Variants in GDF6 observed in about 807,000 individuals in gnomAD.
The protein encoded by GDF6 is growth differentiation factor 6, also known as growth/differentiation factor 6.
Under a neutral mutation model 32.4 loss-of-function variants are expected in GDF6, and 3 were observed. The ratio of observed to expected loss-of-function variants is 0.09; its 90% CI spans 0.04 to 0.24. The LOEUF is 0.24. GDF6 is among the 10% of genes least tolerant of loss of function. GDF6 has a pLI of 1.00. For missense variants in GDF6, 589 were observed against 637.9 expected, an observed-to-expected ratio of 0.92 and a Z score of 0.83; for synonymous variants, 296 against 295.3, an observed-to-expected ratio of 1.00 and a Z score of -0.03.
chr8:96,159,407 G>T (rs1424614412), intron 1 of GDF6, among the ~76,000 whole-genome samples: 1 of 152,116 alleles, frequency 6.6e-6, no homozygotes, highest in Non-Finnish European at 1.5e-5. Flanking sequence ...AGAAGGGGCC[G>T]CAAGGGTTTC....
chr8:96,144,496 A>C lies in GDF6; in HGVS notation c.*67T>G, dbSNP rs547753802. 1 of 1,577,350 alleles carries C rather than the reference A, an allele frequency of 6.3e-7. No individual in the cohort carries two copies. Among genetic ancestry groups the C allele is most frequent in the African/African-American group, 1.3e-5 (1 of 74,332 alleles). Reference sequence around the variant, plus strand: ...CTTCCTCCTCCGCCTCTCTGCAGCCAGGCCTCCCCTGCAAGGCGGACCTTG... The same window carrying C: ...CTTCCTCCTCCGCCTCTCTGCAGCCCGGCCTCCCCTGCAAGGCGGACCTTG... On this transcript the variant is annotated 3_prime_UTR_variant, in exon 2 of 2. Coordinates refer to ENST00000287020, the MANE Select transcript of GDF6 (RefSeq NM_001001557.4). This position sits in a 1 kb window ranked among gnomAD's most constrained non-coding sequence, Gnocchi z 5.1.
In GDF6 at chr8:96,145,308, G is replaced by A. The variant is rs903826881; in HGVS notation, c.623C>T (p.Pro208Leu). The change falls in exon 2 of 2, where the codon CCG becomes CTG. Residue 208 changes from proline to leucine, a missense_variant. By Grantham distance (98) the Pro-to-Leu change is moderately conservative. Around this residue, in one of 2 missense-constraint regions of GDF6, gnomAD observed 436 missense variants for 411.2 expected, o/e 1.06. Coordinates refer to ENST00000287020, the MANE Select transcript of GDF6 (RefSeq NM_001001557.4). The surrounding 1 kb of genome is among the most constrained non-coding windows in gnomAD (Gnocchi z 5.6). ...DARTLDPQGA[P>L]PAGWEVFDVW... The stretch of plus-strand genomic sequence containing the variant: ...GTCGAAGACTTCCCAGCCGGCCGGC[G>A]GCGCCCCCTGCGGGTCCAGGGTCCG... 6.5e-7 allele frequency: 1 copy of A among 1,531,516 alleles called. No individual in the cohort carries two copies. Among genetic ancestry groups the A allele is most frequent in the South Asian group, 1.2e-5 (1 of 83,704 alleles). 94.9% of individuals were successfully genotyped at this position (1,531,516 alleles called of 1,614,324 possible).
At chr8:96,156,897 T>C (rs1812674327) in intron 1 of GDF6, among the ~76,000 whole-genome samples, 1 of 152,172 alleles carries the variant, frequency 6.6e-6, no homozygotes, top group Non-Finnish European at 1.5e-5. Context: ...AGAAACCACC[T>C]CACCACTTAA....
At chr8:96,159,691 G>A (rs1812726621) in intron 1 of GDF6, among the ~76,000 whole-genome samples, 1 of 152,234 alleles carries the variant, frequency 6.6e-6, no homozygotes, top group South Asian at 2.1e-4. Context: ...CAAAAAAGCC[G>A]GAGGGCGCAG....
chr8:96,149,635 GA>G (rs1812535317), intron 1 of GDF6, among the ~76,000 whole-genome samples: 1 of 152,088 alleles, frequency 6.6e-6, no homozygotes, highest in Admixed American at 6.6e-5. Context: ...CAGTTAGGGT[GA>G]ATATAAGGTA....
At position 96,145,187 on chromosome 8, in the gene GDF6, G is replaced by A. The variant is rs1383785636; in HGVS notation, c.744C>T (p.Arg248=). 2.0e-6 allele frequency: 3 copies of A among 1,496,198 alleles called. No individual in the cohort carries two copies. Among genetic ancestry groups the A allele is most frequent in the Non-Finnish European group, 2.7e-6 (3 of 1,130,480 alleles). 92.7% of individuals were successfully genotyped at this position (1,496,198 alleles called of 1,614,324 possible). A position where few individuals can be genotyped will look rare whatever the true frequency, so the allele number is the denominator to read the frequency against. Residue 248 remains arginine, a synonymous_variant, in exon 2 of 2, where the codon CGC becomes CGT. Transcript: ENST00000287020. The surrounding 1 kb of genome is among the most constrained non-coding windows in gnomAD (Gnocchi z 5.6). ...GCGGCGGTTGCTGGGGTCCCCGCGC[G>A]CGCGCCTCGGCCTCCCCGGCGTCCA... The part of the protein sequence containing the change: ...GELDAGEAEA[R]ARGPQQPPPP...
Position 96,145,045 on chromosome 8 carries a change from G to C in GDF6, c.886C>G (p.Gln296Glu). ...CCCGCAGCCTCGGCCGAGCCCAGCT[G>C]CTCGCGCATCTCTGCGAACAGGTTC... ...RKNLFAEMRE[Q>E]LGSAEAAGPG... is the part of the protein sequence containing the mutation. Residue 296 changes from glutamine to glutamate, a missense_variant, in exon 2 of 2, where the codon CAG becomes GAG. Gln to Glu is a conservative substitution (Grantham distance 29). This residue lies in a region of GDF6 where 436 missense variants were observed against 411.2 expected (regional missense o/e 1.06). Transcript: ENST00000287020. The surrounding 1 kb of genome is among the most constrained non-coding windows in gnomAD (Gnocchi z 5.6). 2.0e-6 allele frequency: 3 copies of C among 1,475,472 alleles called. No homozygotes were observed. The highest frequency in any genetic ancestry group is 2.7e-6 in the Non-Finnish European group (3 of 1,119,232). 91.4% of individuals were successfully genotyped at this position (1,475,472 alleles called of 1,614,324 possible). A position where few individuals can be genotyped will look rare whatever the true frequency, so the allele number is the denominator to read the frequency against.
At position 96,143,008 on chromosome 8, in the gene GDF6, G is replaced by A. The variant is rs1812398253; in HGVS notation, c.*1555C>T. 6.6e-6 allele frequency: 1 copy of A among 152,196 alleles called. No individual in the cohort carries two copies. The highest frequency in any genetic ancestry group is 1.5e-5 in the Non-Finnish European group (1 of 68,046). The allele number at this position is 152,196 out of a possible 1,614,324, so 9.4% of individuals were successfully genotyped here. ...CTAACTCTTCAAAGGGCCTACTCAT[G>A]GGCAATGTTTGAAAACAATACTGGT... is the stretch of plus-strand genomic sequence containing the variant. On this transcript the variant is annotated 3_prime_UTR_variant, in exon 2 of 2. Coordinates refer to ENST00000287020, the MANE Select transcript of GDF6 (RefSeq NM_001001557.4).
intron 1 of GDF6, among the ~76,000 whole-genome samples, chr8:96,156,795 C>T (rs1012917501): frequency 2.0e-5 from 3 of 152,234 alleles, no homozygotes; most frequent in African/African-American, 7.2e-5. Context: ...TTCACTCACA[C>T]TCCTAACTGG....
In GDF6 at chr8:96,144,244, TAGAGAGAGAGAGAGAGAG is replaced by T. The variant is rs71275339; in HGVS notation, c.*301_*318del. On this transcript the variant is annotated 3_prime_UTR_variant, in exon 2 of 2. Coordinates refer to ENST00000287020, the MANE Select transcript of GDF6 (RefSeq NM_001001557.4). The surrounding 1 kb of genome is among the most constrained non-coding windows in gnomAD (Gnocchi z 5.1). ...ATAAGGAAATCCAAAGCCACAGTAA[TAGAGAGAGAGAGAGAGAG>T]AGAGAGAGAGAGAGAGAGAGAGAGA... 196 of 234,952 alleles carry T rather than the reference TAGAGAGAGAGAGAGAGAG, an allele frequency of 8.3e-4. 1 individual carries two copies. The highest frequency in any genetic ancestry group is 3.4e-3 in the South Asian group (107 of 31,212). 14.6% of individuals were successfully genotyped at this position (234,952 alleles called of 1,614,324 possible).
intron 1 of GDF6, among the ~76,000 whole-genome samples, chr8:96,150,355 T>C (rs1267868645): frequency 6.6e-6 from 1 of 152,228 alleles, no homozygotes; most frequent in Non-Finnish European, 1.5e-5. Context: ...GAGAAGATAG[T>C]GGACTTTCCC....
rs1465598776 is a variant in GDF6, at chr8:96,160,480, A to C, written c.213T>G (p.Pro71=). Residue 71 remains proline, a synonymous_variant, in exon 1 of 2, where the codon CCT becomes CCG. Transcript: ENST00000287020. ...GCTGCTGAGCCCGGGGTTCGTCCTG[A>C]GGCCGCGGCTGTGGTTCCTGGCCCT... The part of the protein sequence containing the change: ...GREGQEPQPR[P]QDEPRAQQPR... 1 of 1,612,764 alleles carries C rather than the reference A, an allele frequency of 6.2e-7. No individual in the cohort carries two copies. Among genetic ancestry groups the C allele is most frequent in the East Asian group, 2.2e-5 (1 of 44,832 alleles).
chr8:96,143,341 T>C lies in GDF6; in HGVS notation c.*1222A>G, dbSNP rs1279633466. 6.6e-6 allele frequency: 1 copy of C among 152,648 alleles called. No homozygotes were observed. The highest frequency in any genetic ancestry group is 1.9e-4 in the East Asian group (1 of 5,196). The allele number at this position is 152,648 out of a possible 1,614,324, so 9.5% of individuals were successfully genotyped here. On this transcript the variant is annotated 3_prime_UTR_variant, in exon 2 of 2. Coordinates refer to ENST00000287020, the MANE Select transcript of GDF6 (RefSeq NM_001001557.4). ...AAGAGAGGGGAGGGAACTCAGATTTTAAAGAAACTTCAGAGACAGGGACTT... is the reference window on the plus strand; with the variant it reads ...AAGAGAGGGGAGGGAACTCAGATTTCAAAGAAACTTCAGAGACAGGGACTT...
intron 1 of GDF6, among the ~76,000 whole-genome samples, chr8:96,150,343 T>C (rs1812548680): frequency 6.6e-6 from 1 of 152,208 alleles, no homozygotes; most frequent in African/African-American, 2.4e-5. Context: ...GTCCAGAAAG[T>C]CGAGAAGATA....
intron 1 of GDF6, among the ~76,000 whole-genome samples, chr8:96,153,894 G>A (rs1321518716): frequency 1.3e-5 from 2 of 152,064 alleles, no homozygotes; most frequent in African/African-American, 4.8e-5. Flanking sequence ...CTCTGTCTGC[G>A]GTGTTCATTT....
rs1407194963 is a variant in GDF6 at position 96,143,018 on chromosome 8, TG to T, written c.*1544del. ...AAAGGGCCTACTCATGGGCAATGTTTGAAAACAATACTGGTGCAGGCTGGGG... is the reference window on the plus strand; with the variant it reads ...AAAGGGCCTACTCATGGGCAATGTTTAAAACAATACTGGTGCAGGCTGGGG... On this transcript the variant is annotated 3_prime_UTR_variant, in exon 2 of 2. Coordinates refer to ENST00000287020, the MANE Select transcript of GDF6 (RefSeq NM_001001557.4). 6.6e-6 allele frequency: 1 copy of T among 152,236 alleles called. No homozygotes were observed. Among genetic ancestry groups the T allele is most frequent in the East Asian group, 1.9e-4 (1 of 5,204 alleles). The allele number at this position is 152,236 out of a possible 1,614,324, so 9.4% of individuals were successfully genotyped here. A position where few individuals can be genotyped will look rare whatever the true frequency, so the allele number is the denominator to read the frequency against.
At chr8:96,158,170 G>C (rs1812700674) in intron 1 of GDF6, among the ~76,000 whole-genome samples, 1 of 152,156 alleles carries the variant, frequency 6.6e-6, no homozygotes, top group African/African-American at 2.4e-5. Context: ...GCCCTCCACC[G>C]CATTCCGGGG....
intron 1 of GDF6, among the ~76,000 whole-genome samples, chr8:96,154,680 T>C (rs1812629700): frequency 6.6e-6 from 1 of 152,148 alleles, no homozygotes; most frequent in Non-Finnish European, 1.5e-5. Context: ...GGCTTTCCTT[T>C]TACTTAAAAG....
chr8:96,157,229 T>TC (rs1554572294), intron 1 of GDF6, among the ~76,000 whole-genome samples: 5 of 151,904 alleles, frequency 3.3e-5, no homozygotes, highest in Non-Finnish European at 2.9e-5. Context: ...CTTTTTTTTT[T>TC]CCCCAATAAG....
Sources: allele counts gnomAD v4.1 joint callset (sites outside exome capture counted in the v4.1 genomes callset), GRCh38; gene constraint gnomAD v4.1.1; regional missense constraint gnomAD v4.1.1; non-coding constraint Gnocchi (gnomAD v3.1); transcripts MANE v1.5; gene names NCBI Gene and HGNC (gene_info 2026-07-23, HGNC 2026-07-21).